FAM149B1: variants seen among roughly 807,000 people sequenced by gnomAD.
FAM149B1 encodes the protein family with sequence similarity 149 member B1.
In FAM149B1, 56 loss-of-function variants were observed where a neutral mutation model predicts 75.3. That is an observed-to-expected ratio of 0.74 (90% confidence interval 0.60 to 0.93). The LOEUF is 0.93. FAM149B1 is among the 40% of genes least tolerant of loss of function. FAM149B1 has a pLI of 0.00. For synonymous variants in FAM149B1, 259 were observed against 256.1 expected (o/e 1.01, Z -0.11); for missense variants, 639 against 708.4 (o/e 0.90, Z 1.11).
rs1044531499 is a variant in FAM149B1 at position 73,175,435 on chromosome 10, C to T, written c.152+644C>T. Among the ~76,000 whole-genome samples, 14 of 151,722 alleles carry T rather than the reference C, an allele frequency of 9.2e-5. No individual in the cohort carries two copies. In the South Asian group the frequency reaches 1.5e-3, roughly 16 times the overall value. On this transcript the variant is annotated intron_variant, in intron 2 of 13. Coordinates refer to ENST00000242505, the MANE Select transcript of FAM149B1 (RefSeq NM_173348.2). The stretch of plus-strand genomic sequence containing the variant: ...CTGTAATCCCAACACTTTGGGAGGC[C>T]GAGGTGCACGGATCACGAGGTCAGG...
At chr10:73,188,756 G>GGGAAGGAAGGAAGGAAGGAA (rs71021548) in intron 3 of FAM149B1, among the ~76,000 whole-genome samples, 22 of 129,496 alleles carry the variant, frequency 1.7e-4, no homozygotes, top group African/African-American at 4.7e-4. Flanking sequence ...GAAGGAAGGA[G>GGGAAGGAAGGAAGGAAGGAA]GGAAGGAAGG....
rs1444814184 is a variant in FAM149B1, at chr10:73,244,493, T to C, written c.*3474T>C. ...CCTGGGTGATGGAGATGCCATCTCTTAGAAAAAAGAGAAAAAAAAAAAAAA... is the reference window on the plus strand; with the variant it reads ...CCTGGGTGATGGAGATGCCATCTCTCAGAAAAAAGAGAAAAAAAAAAAAAA... On this transcript the variant is annotated 3_prime_UTR_variant, in exon 14 of 14. Transcript: ENST00000242505. 4 of 145,670 alleles carry C rather than the reference T, an allele frequency of 2.7e-5. No homozygotes were observed. The highest frequency in any genetic ancestry group is 1.4e-4 in the Admixed American group (2 of 14,572). 9.0% of individuals were successfully genotyped at this position (145,670 alleles called of 1,614,324 possible). A position where few individuals can be genotyped will look rare whatever the true frequency, so the allele number is the denominator to read the frequency against.
At chr10:73,235,566 C>A in intron 12 of FAM149B1, 1 of 724,930 alleles carries the variant, frequency 1.4e-6, no homozygotes, top group Non-Finnish European at 2.0e-6. Context: ...ATATGTCTGA[C>A]CACAAGCAAG....
At chr10:73,177,770 T>C (rs1392907202) in intron 2 of FAM149B1, 76 bp from the exon 3 acceptor site, 5 of 1,321,750 alleles carry the variant, frequency 3.8e-6, no homozygotes, top group African/African-American at 2.9e-5. Context: ...AGTTGCTGAG[T>C]AGTTAATGCC....
At position 73,168,194 on chromosome 10, in the gene FAM149B1, G is replaced by A. The variant is rs1285862698; in HGVS notation, c.-146G>A. 1.6e-5 allele frequency: 13 copies of A among 813,004 alleles called. No homozygotes were observed. Among genetic ancestry groups the A allele is most frequent in the Non-Finnish European group, 2.1e-5 (11 of 527,420 alleles). The allele number at this position is 813,004 out of a possible 1,614,324, so 50.4% of individuals were successfully genotyped here. ...GACCCTGGGGAGGTGGCTGCTCGGA[G>A]TCTAGGTGACGGGGCGAGACGGGGC... is the stretch of plus-strand genomic sequence containing the variant. On this transcript the variant is annotated 5_prime_UTR_variant, in exon 1 of 14. Transcript: ENST00000242505.
rs1393835054 is a variant in FAM149B1, at chr10:73,168,355, A to C, written c.16A>C (p.Thr6Pro). ...GAGGAGGAGGATGATCTCCAGATAC[A>C]CTCGGAAGGCGGTGCCACAGAGCTT... MISRY[T>P]RKAVPQSLEL... The change falls in exon 1 of 14, where the codon ACT becomes CCT. Residue 6 changes from threonine to proline, a missense_variant. By Grantham distance (38) the Thr-to-Pro change is conservative (BLOSUM62 -1). Coordinates refer to ENST00000242505, the MANE Select transcript of FAM149B1 (RefSeq NM_173348.2). 2 of 1,549,884 alleles carry C rather than the reference A, an allele frequency of 1.3e-6. No homozygotes were observed. Among genetic ancestry groups the C allele is most frequent in the South Asian group, 1.2e-5 (1 of 83,982 alleles).
chr10:73,229,102 CAAAG>C (rs2043624510), intron 8 of FAM149B1, among the ~76,000 whole-genome samples: 1 of 151,960 alleles, frequency 6.6e-6, no homozygotes, highest in Non-Finnish European at 1.5e-5. Context: ...CAAACAAAAA[CAAAG>C]AGAAAAGCTA....
At chr10:73,168,414 C>CG in intron 1 of FAM149B1, 28 bp downstream of exon 1, 1 of 1,548,254 alleles carries the variant, frequency 6.5e-7, no homozygotes, top group South Asian at 1.2e-5. Context: ...CCACCCCAGC[C>CG]GGGGCGGGCG....
intron 3 of FAM149B1, among the ~76,000 whole-genome samples, chr10:73,180,272 G>A (rs1464230458): frequency 6.6e-6 from 1 of 152,206 alleles, no homozygotes; most frequent in Non-Finnish European, 1.5e-5. Flanking sequence ...CCAAGGAGGA[G>A]AAGAGCTTCA....
At chr10:73,228,855 C>T (rs953977755) in intron 8 of FAM149B1, among the ~76,000 whole-genome samples, 3 of 152,002 alleles carry the variant, frequency 2.0e-5, no homozygotes, top group Admixed American at 2.0e-4. Flanking sequence ...CTCAGGCTCC[C>T]AAAGTGCTGG....
In FAM149B1 at chr10:73,233,158, C is replaced by A. The variant is rs1171254727; in HGVS notation, c.1347C>A (p.Ala449=). 2 of 1,549,266 alleles carry A rather than the reference C, an allele frequency of 1.3e-6. No homozygotes were observed. The highest frequency in any genetic ancestry group is 1.7e-6 in the Non-Finnish European group (2 of 1,144,966). Residue 449 remains alanine (A), a synonymous_variant, in exon 10 of 14, where the codon GCC becomes GCA. Transcript: ENST00000242505. ...CTGTGGAAGAAATCCTCAGAGGAGC[C>A]CGAGTGTAGGTTTCAAAAGCAGAAC... The part of the protein sequence containing the change: ...PRSVEEILRG[A]RVPVAPDSLS...
intron 5 of FAM149B1, among the ~76,000 whole-genome samples, chr10:73,205,097 G>A (rs993730366): frequency 6.6e-6 from 1 of 150,500 alleles, no homozygotes; most frequent in African/African-American, 2.4e-5. Context: ...ACAGGTGTGA[G>A]CCACCCGCCT....
At chr10:73,207,572 GAAAAAAAA>G (rs2043096128) in intron 5 of FAM149B1, among the ~76,000 whole-genome samples, 1 of 148,882 alleles carries the variant, frequency 6.7e-6, no homozygotes, top group Non-Finnish European at 1.5e-5. Context: ...TCTCAAAAAA[GAAAAAAAA>G]GAAAAAAAGA....
rs924824826 is a variant in FAM149B1, at chr10:73,174,182, G to C, written c.48-505G>C. Among the ~76,000 whole-genome samples the C allele has an allele frequency of 2.6e-5, 4 of 152,156 alleles. No homozygotes were observed. The East Asian group carries it at 7.7e-4, about 29-fold the overall frequency. On this transcript the variant is annotated intron_variant, in intron 1 of 13. Coordinates refer to ENST00000242505, the MANE Select transcript of FAM149B1 (RefSeq NM_173348.2). Reference sequence around the variant, plus strand: ...TCATTTCTCTAGGCATAATGCCCAAGAGTGCAACTGCTAGGGCTCTGGGTA... The same window carrying C: ...TCATTTCTCTAGGCATAATGCCCAACAGTGCAACTGCTAGGGCTCTGGGTA...
At chr10:73,179,912 A>C (rs1205821919) in intron 3 of FAM149B1, among the ~76,000 whole-genome samples, 1 of 152,074 alleles carries the variant, frequency 6.6e-6, no homozygotes, top group Admixed American at 6.6e-5. Context: ...ATATATCATA[A>C]TTGGATCTTT....
At position 73,210,411 on chromosome 10, in the gene FAM149B1, C is replaced by G. The variant is rs775520857; in HGVS notation, c.871C>G (p.Arg291Gly). The G allele has an allele frequency of 1.3e-6, 2 of 1,542,382 alleles. No homozygotes were observed. Among genetic ancestry groups the G allele is most frequent in the Non-Finnish European group, 1.7e-6 (2 of 1,143,704 alleles). The part of the protein sequence containing the change: ...KVVSCMEQLT[R>G]SHWEGFASDD... Reference sequence around the variant, plus strand: ...TGTGAGCTGTATGGAGCAGTTGACACGTAGTCACTGGGAAGGATTTGCCTC... The same window carrying G: ...TGTGAGCTGTATGGAGCAGTTGACAGGTAGTCACTGGGAAGGATTTGCCTC... Residue 291 changes from arginine (R) to glycine (G), a missense_variant, in exon 7 of 14, where the codon CGT becomes GGT. Physicochemically the swap from Arg to Gly is moderately radical, Grantham distance 125. Coordinates refer to ENST00000242505, the MANE Select transcript of FAM149B1 (RefSeq NM_173348.2).
At chr10:73,240,121 T>C (rs1005337431) in intron 13 of FAM149B1, among the ~76,000 whole-genome samples, 3 of 152,224 alleles carry the variant, frequency 2.0e-5, no homozygotes, top group African/African-American at 7.2e-5. Flanking sequence ...GGTCTTGCTA[T>C]GTTGCCCAGG....
At chr10:73,183,982 T>C (rs1242094061) in intron 3 of FAM149B1, among the ~76,000 whole-genome samples, 4 of 152,154 alleles carry the variant, frequency 2.6e-5, no homozygotes, top group African/African-American at 9.7e-5. Flanking sequence ...GGACAAACAA[T>C]GGATTGGCAA....
chr10:73,175,759 A>C (rs1843938031), intron 2 of FAM149B1, among the ~76,000 whole-genome samples: 1 of 152,104 alleles, frequency 6.6e-6, no homozygotes. Context: ...AAAATAACAT[A>C]ACATAAATAA....
Sources: allele counts gnomAD v4.1 joint callset (sites outside exome capture counted in the v4.1 genomes callset), GRCh38; gene constraint gnomAD v4.1.1; transcripts MANE v1.5; gene names NCBI Gene and HGNC (gene_info 2026-07-23, HGNC 2026-07-21).